SEC14L1: variants seen among roughly 807,000 people sequenced by gnomAD.
SEC14L1 encodes SEC14-like protein 1.
A neutral mutation model predicts 85.3 loss-of-function variants in SEC14L1; 48 were observed. That is an observed-to-expected ratio of 0.56 (90% CI 0.45 to 0.72). The LOEUF (loss-of-function observed/expected upper bound fraction) is 0.72, where lower values mean the gene tolerates loss of function less well. Among genes scored for constraint, SEC14L1 ranks in the 30% least tolerant of loss-of-function variants. The pLI is 0.00. For synonymous variants in SEC14L1, 391 were observed against 355.5 expected (o/e 1.10, Z -1.12); for missense variants, 682 against 921.4 (o/e 0.74, Z 3.36).
At chr17:77,132,790 G>T (rs1015990829) in intron 3 of SEC14L1, among the ~76,000 whole-genome samples, 1 of 151,506 alleles carries the variant, frequency 6.6e-6, no homozygotes, top group African/African-American at 2.4e-5. Flanking sequence ...GTTTAAGATT[G>T]TCACTTGCCT....
chr17:77,185,617 A>G (rs976002351), intron 3 of SEC14L1, among the ~76,000 whole-genome samples: 2 of 152,206 alleles, frequency 1.3e-5, no homozygotes, highest in African/African-American at 4.8e-5. Context: ...ACTTAAAAAG[A>G]TTCATTTTGT....
chr17:77,142,058 A>G (rs1973075611), intron 1 of SEC14L1, among the ~76,000 whole-genome samples: 1 of 152,198 alleles, frequency 6.6e-6, no homozygotes, highest in African/African-American at 2.4e-5. Context: ...TCATGGTTTT[A>G]GAGGTGGAAG....
At chr17:77,100,726 C>T (rs569446164) in intron 3 of SEC14L1, among the ~76,000 whole-genome samples, 6 of 152,030 alleles carry the variant, frequency 3.9e-5, no homozygotes, top group Non-Finnish European at 7.4e-5. Flanking sequence ...AGTGAGCCAC[C>T]GCGCCCAGCC....
At chr17:77,191,012 G>A in intron 4 of SEC14L1, 60 bp downstream of exon 4, 2 of 1,593,520 alleles carry the variant, frequency 1.3e-6, no homozygotes. Context: ...AGGGCGTCCT[G>A]GTGGGAGAGG....
At chr17:77,211,625 C>A (rs1976755622) in intron 14 of SEC14L1, 2 of 349,638 alleles carry the variant, frequency 5.7e-6, no homozygotes, top group Non-Finnish European at 5.4e-6. Flanking sequence ...GTCCTCTGAA[C>A]CACTCATGTA....
chr17:77,184,862 T>C (rs1270782179), intron 3 of SEC14L1, among the ~76,000 whole-genome samples: 1 of 152,254 alleles, frequency 6.6e-6, no homozygotes, highest in Admixed American at 6.5e-5. Context: ...CCTGCTTACA[T>C]ACTTTGTAGA....
intron 3 of SEC14L1, among the ~76,000 whole-genome samples, chr17:77,122,386 C>G (rs891318432): frequency 2.6e-5 from 4 of 151,788 alleles, no homozygotes; most frequent in Non-Finnish European, 5.9e-5. Flanking sequence ...ACTGTAGCCT[C>G]AACTTTCCGA....
chr17:77,140,846 T>A (rs903498590), upstream of SEC14L1: 1 of 146,776 alleles, frequency 6.8e-6, no homozygotes, highest in African/African-American at 2.6e-5. Flanking sequence ...TTAGCAACCA[T>A]CGCCCGCTCC....
chr17:77,139,160 ATTTTTTTTTTTTT>A (rs749541191), upstream of SEC14L1, among the ~76,000 whole-genome samples: 1 of 120,164 alleles, frequency 8.3e-6, no homozygotes, highest in Non-Finnish European at 1.7e-5. Flanking sequence ...GGTCAGGTGA[ATTTTTTTTTTTTT>A]TTTTTTTTTT....
chr17:77,149,131 C>A (rs1249160744), intron 3 of SEC14L1, among the ~76,000 whole-genome samples: 1 of 152,198 alleles, frequency 6.6e-6, no homozygotes, highest in Non-Finnish European at 1.5e-5. Flanking sequence ...ATGTTTCTCT[C>A]CCTTCCCCGG....
At chr17:77,089,457 A>T (rs1971452796) in intron 2 of SEC14L1, 1 of 518,922 alleles carries the variant, frequency 1.9e-6, no homozygotes, top group African/African-American at 1.9e-5. Flanking sequence ...GCATTCTAGC[A>T]GCAGTTTGAT....
chr17:77,107,644 A>G (rs1971944501), intron 3 of SEC14L1, among the ~76,000 whole-genome samples: 1 of 152,134 alleles, frequency 6.6e-6, no homozygotes, highest in Non-Finnish European at 1.5e-5. Context: ...TGGCAGAATA[A>G]ACCGCAACCT....
chr17:77,214,302 G>A lies in SEC14L1; in HGVS notation c.*279G>A, dbSNP rs1976928944. On this transcript the variant is annotated 3_prime_UTR_variant, in exon 17 of 17. Transcript: ENST00000436233. ...CTCTCTTGAAAGAAAAGTAGTTTCT[G>A]TACCAATTAAAGGATTGACGTGGTC... The A allele has an allele frequency of 8.3e-7, 1 of 1,205,524 alleles. No homozygotes were observed. The highest frequency in any genetic ancestry group is 1.5e-5 in the African/African-American group (1 of 64,540). The allele number at this position is 1,205,524 out of a possible 1,614,324, so 74.7% of individuals were successfully genotyped here.
Position 77,215,065 on chromosome 17 carries a change from G to A in SEC14L1, c.*1042G>A. On this transcript the variant is annotated 3_prime_UTR_variant, in exon 17 of 17. Coordinates refer to ENST00000436233, the MANE Select transcript of SEC14L1 (RefSeq NM_001143998.2). ...ACATGGGAATTGTGGACTCATGCGT[G>A]TGTGTGTGTGCATGTGCTGTGTGTG... 1.6e-6 allele frequency: 1 copy of A among 624,874 alleles called. No individual in the cohort carries two copies. Among genetic ancestry groups the A allele is most frequent in the Non-Finnish European group, 2.0e-6 (1 of 508,766 alleles). The allele number at this position is 624,874 out of a possible 1,614,324, so 38.7% of individuals were successfully genotyped here.
At chr17:77,153,553 A>G (rs1367202898) in intron 3 of SEC14L1, among the ~76,000 whole-genome samples, 1 of 152,144 alleles carries the variant, frequency 6.6e-6, no homozygotes, top group African/African-American at 2.4e-5. Flanking sequence ...TTTTGTAGTT[A>G]CTTTTTAACA....
intron 6 of SEC14L1, 104 bp from the exon 7 acceptor site, chr17:77,194,573 G>T: frequency 1.2e-6 from 1 of 808,914 alleles, no homozygotes; most frequent in South Asian, 1.8e-5. Flanking sequence ...AAGATTGTGA[G>T]GCTCACCATC....
At chr17:77,155,330 C>T (rs1175127656) in intron 3 of SEC14L1, among the ~76,000 whole-genome samples, 3 of 152,058 alleles carry the variant, frequency 2.0e-5, no homozygotes, top group African/African-American at 7.2e-5. Context: ...ACACCCACAC[C>T]CACACACCCA....
intron 3 of SEC14L1, chr17:77,143,914 A>G (rs1221030339): frequency 2.9e-6 from 1 of 341,148 alleles, no homozygotes; most frequent in African/African-American, 2.2e-5. Flanking sequence ...CTTTGAACAC[A>G]CAGAAGTGGG....
intron 3 of SEC14L1, among the ~76,000 whole-genome samples, chr17:77,168,526 C>T (rs1486199837): frequency 6.6e-6 from 1 of 152,224 alleles, no homozygotes; most frequent in Non-Finnish European, 1.5e-5. Context: ...TAATCCCTTT[C>T]CATTCACCAA....
Sources: gnomAD v4.1 joint callset for allele counts (sites outside exome capture counted in the v4.1 genomes callset) on GRCh38, gnomAD v4.1.1 for gene constraint, MANE v1.5 for transcripts, NCBI Gene and HGNC (gene_info 2026-07-23, HGNC 2026-07-21) for gene names.